The following DLGAP2 variants were observed in gnomAD, a reference collection of about 807,000 sequenced individuals.
DLGAP2 encodes disks large-associated protein 2.
DLGAP2 carries 26 observed loss-of-function variants against 100.3 expected under a neutral mutation model. That is an observed-to-expected ratio of 0.26 (90% CI 0.19 to 0.36). The LOEUF (loss-of-function observed/expected upper bound fraction) is 0.36, where lower values mean the gene tolerates loss of function less well. Among genes scored for constraint, DLGAP2 ranks in the 10% least tolerant of loss-of-function variants. The pLI, the probability that DLGAP2 is intolerant of heterozygous loss-of-function variation, is 1.00. For missense variants in DLGAP2, 1,858 were observed against 1,453.2 expected (o/e 1.28, Z -4.53); for synonymous variants, 886 against 630.1 (o/e 1.41, Z -6.08).
chr8:1,304,003 A>T (rs1269665371), intron 3 of DLGAP2, among the ~76,000 whole-genome samples: 1 of 152,198 alleles, frequency 6.6e-6, no homozygotes, highest in Admixed American at 6.5e-5. Context: ...CAGACCCTGG[A>T]AGGCTGCTTA....
chr8:1,391,882 C>T (rs773124935), intron 3 of DLGAP2, among the ~76,000 whole-genome samples: 9 of 152,214 alleles, frequency 5.9e-5, no homozygotes, highest in East Asian at 1.9e-4. Flanking sequence ...CCCTCCTGAA[C>T]GCTTGTGCGT....
chr8:1,216,355 GT>G (rs1211460928), intron 2 of DLGAP2, among the ~76,000 whole-genome samples: 1 of 151,962 alleles, frequency 6.6e-6, no homozygotes, highest in African/African-American at 2.4e-5. Context: ...TGTCCTAATT[GT>G]TTTTTTGTAA....
At chr8:1,639,750 G>A (rs1175490244) in intron 8 of DLGAP2, among the ~76,000 whole-genome samples, 4 of 152,198 alleles carry the variant, frequency 2.6e-5, no homozygotes, top group Non-Finnish European at 4.4e-5. Context: ...CGGGGAGCCC[G>A]CTCCTTGCCT....
chr8:837,674 G>C (rs1308227340), intron 1 of DLGAP2, among the ~76,000 whole-genome samples: 1 of 149,948 alleles, frequency 6.7e-6, no homozygotes, highest in African/African-American at 2.4e-5. Context: ...ATGTGTGTGT[G>C]TGTGTGTGTG....
Position 737,796 on chromosome 8 carries a change from G to A in DLGAP2, c.-12G>A, listed in dbSNP as rs1020787689. 2 of 379,178 alleles carry A rather than the reference G, an allele frequency of 5.3e-6. No individual in the cohort carries two copies. The highest frequency in any genetic ancestry group is 3.7e-5 in the East Asian group (1 of 26,694). The allele number at this position is 379,178 out of a possible 1,614,324, so 23.5% of individuals were successfully genotyped here. ...TGTCGCCCCGCACCTGCTGAGCCCG[G>A]AGCGTCCGAGGATGTCCGCGCTGAG... On this transcript the variant is annotated 5_prime_UTR_variant, in exon 1 of 15. Transcript: ENST00000637795.
intron 3 of DLGAP2, among the ~76,000 whole-genome samples, chr8:1,412,302 C>A (rs1434519162): frequency 6.6e-6 from 1 of 152,230 alleles, no homozygotes; most frequent in African/African-American, 2.4e-5. Flanking sequence ...TCCTCCCTAG[C>A]CTTCTGAGGC....
intron 2 of DLGAP2, among the ~76,000 whole-genome samples, chr8:1,189,265 A>C (rs1397893130): frequency 6.6e-6 from 1 of 152,248 alleles, no homozygotes; most frequent in Non-Finnish European, 1.5e-5. Context: ...TTCGGGCCCC[A>C]GCGGGAGTCA....
At chr8:1,304,174 G>A (rs987726018) in intron 3 of DLGAP2, among the ~76,000 whole-genome samples, 3 of 152,196 alleles carry the variant, frequency 2.0e-5, no homozygotes, top group Admixed American at 6.5e-5. Context: ...GCAGGCCAGC[G>A]TGTCCTTGAA....
At chr8:1,055,036 A>G (rs1445386076) in intron 2 of DLGAP2, among the ~76,000 whole-genome samples, 1 of 152,238 alleles carries the variant, frequency 6.6e-6, no homozygotes, top group Non-Finnish European at 1.5e-5. Context: ...CATGGTCAGA[A>G]AACAGTTCCA....
chr8:913,408 G>T (rs532955704), intron 2 of DLGAP2, among the ~76,000 whole-genome samples: 1 of 152,180 alleles, frequency 6.6e-6, no homozygotes, highest in Non-Finnish European at 1.5e-5. Flanking sequence ...CTCTCCTACG[G>T]GCCTGTCTCA....
intron 8 of DLGAP2, among the ~76,000 whole-genome samples, chr8:1,656,664 C>T (rs186669722): frequency 6.6e-6 from 1 of 152,342 alleles, no homozygotes; most frequent in East Asian, 1.9e-4. Flanking sequence ...AGGGACCCAT[C>T]CACCTGAATA....
intron 1 of DLGAP2, among the ~76,000 whole-genome samples, chr8:792,058 A>T (rs888844005): frequency 6.6e-6 from 1 of 152,222 alleles, no homozygotes; most frequent in Non-Finnish European, 1.5e-5. Context: ...TGCATTTACC[A>T]ATGTGAATTT....
chr8:1,695,163 G>T (rs1474639331), intron 13 of DLGAP2, among the ~76,000 whole-genome samples: 3 of 152,226 alleles, frequency 2.0e-5, no homozygotes, highest in African/African-American at 7.2e-5. Context: ...CGAGGGAGGA[G>T]AAGCCACTCC....
intron 1 of DLGAP2, among the ~76,000 whole-genome samples, chr8:801,236 C>G (rs934851249): frequency 6.6e-6 from 1 of 152,226 alleles, no homozygotes; most frequent in South Asian, 2.1e-4. Context: ...TAATTATGAT[C>G]AATACAACTT....
chr8:1,435,885 T>C (rs1797606908), intron 3 of DLGAP2, among the ~76,000 whole-genome samples: 1 of 151,952 alleles, frequency 6.6e-6, no homozygotes, highest in Admixed American at 6.6e-5. Context: ...AAAAAGTAAA[T>C]TTAAAAATTA....
At chr8:1,189,903 G>A (rs539895569) in intron 2 of DLGAP2, among the ~76,000 whole-genome samples, 9 of 152,304 alleles carry the variant, frequency 5.9e-5, no homozygotes, top group East Asian at 1.9e-4. Flanking sequence ...GGTAACTCAC[G>A]GCTTTGGGTG....
At chr8:878,309 A>C (rs115200734) in intron 1 of DLGAP2, among the ~76,000 whole-genome samples, 165 of 152,334 alleles carry the variant, frequency 1.1e-3, no homozygotes, top group African/African-American at 3.8e-3. Context: ...TTTGAGATCC[A>C]TGGGACCCTC....
chr8:1,599,619 G>C (rs1197287093), intron 6 of DLGAP2, among the ~76,000 whole-genome samples: 2 of 152,150 alleles, frequency 1.3e-5, no homozygotes, highest in Admixed American at 1.3e-4. Flanking sequence ...ATCCCTTTAC[G>C]ATTATGTGAT....
chr8:1,161,431 T>A (rs1403982210), intron 2 of DLGAP2, among the ~76,000 whole-genome samples: 1 of 152,206 alleles, frequency 6.6e-6, no homozygotes, highest in East Asian at 1.9e-4. Context: ...ATCAAAAGGC[T>A]TTAAATGCTG....
Sources: allele counts gnomAD v4.1 joint callset (sites outside exome capture counted in the v4.1 genomes callset), GRCh38; gene constraint gnomAD v4.1.1; transcripts MANE v1.5; gene names NCBI Gene and HGNC (gene_info 2026-07-23, HGNC 2026-07-21).